Variants in CCDC146 observed in about 807,000 individuals in gnomAD.
The protein encoded by CCDC146 is coiled-coil domain containing 146.
CCDC146 carries 92 observed loss-of-function variants against 119.3 expected under a neutral mutation model. The ratio of observed to expected loss-of-function variants is 0.77; its 90% CI spans 0.65 to 0.92. The LOEUF (loss-of-function observed/expected upper bound fraction) is 0.92. Ranked by LOEUF, CCDC146 falls within the 40% of genes least tolerant of loss-of-function variation. The probability of loss-of-function intolerance (pLI) is 0.00; values close to 1 mark genes in which losing one functional copy is unlikely to be tolerated. For synonymous variants in CCDC146, 372 were observed against 371.8 expected (o/e 1.00, Z -0.01); for missense variants, 1,000 against 1,103.0 (o/e 0.91, Z 1.32).
chr7:77,283,778 G>A (rs947533554), intron 15 of CCDC146, among the ~76,000 whole-genome samples: 8 of 152,050 alleles, frequency 5.3e-5, no homozygotes, highest in Admixed American at 3.9e-4. Flanking sequence ...AGGATTTCAT[G>A]GGACTAGATG....
chr7:77,173,450 G>A (rs1189816528), intron 2 of CCDC146, among the ~76,000 whole-genome samples: 4 of 152,084 alleles, frequency 2.6e-5, no homozygotes, highest in East Asian at 1.9e-4. Flanking sequence ...CCAACATGGC[G>A]AAACCCCGTC....
At chr7:77,138,336 A>C (rs1392077312) in intron 1 of CCDC146, among the ~76,000 whole-genome samples, 3 of 98,826 alleles carry the variant, frequency 3.0e-5, no homozygotes, top group African/African-American at 1.1e-4. Flanking sequence ...ATGTACATGC[A>C]AAAAAAAATG....
Position 77,154,509 on chromosome 7 carries a change from T to A in CCDC146, c.-11-13149T>A, listed in dbSNP as rs1169883183. ...TGTGATGTTCCCCTTCCTGTGTCCA[T>A]GTGTTCTCATTGTTCAATTCCCACC... is the stretch of plus-strand genomic sequence containing the variant. On this transcript the variant is annotated intron_variant, in intron 1 of 18. Transcript: ENST00000285871. Among the ~76,000 whole-genome samples the A allele has an allele frequency of 2.8e-5, 4 of 140,366 alleles. No individual in the cohort carries two copies. In the East Asian group the frequency reaches 7.2e-4, roughly 25 times the overall value. 92.1% of individuals were successfully genotyped at this position (140,366 alleles called of 152,430 possible). A position where few individuals can be genotyped will look rare whatever the true frequency, so the allele number is the denominator to read the frequency against.
intron 4 of CCDC146, among the ~76,000 whole-genome samples, chr7:77,252,801 A>G (rs1793100862): frequency 6.6e-6 from 1 of 152,264 alleles, no homozygotes; most frequent in Non-Finnish European, 1.5e-5. Flanking sequence ...CTCATAGCAC[A>G]GTCCAGTGCA....
intron 1 of CCDC146, among the ~76,000 whole-genome samples, chr7:77,141,670 T>C (rs1392728560): frequency 3.9e-5 from 6 of 152,244 alleles, no homozygotes; most frequent in Non-Finnish European, 8.8e-5. Flanking sequence ...TAATGACCAG[T>C]GATGATGAGC....
intron 4 of CCDC146, among the ~76,000 whole-genome samples, chr7:77,248,847 C>CT (rs895143817): frequency 1.3e-5 from 2 of 152,124 alleles, no homozygotes; most frequent in African/African-American, 4.8e-5. Context: ...AAAATATAAA[C>CT]TTTTTTTGTA....
chr7:77,201,579 GA>G (rs554778336), intron 2 of CCDC146, among the ~76,000 whole-genome samples: 14 of 113,578 alleles, frequency 1.2e-4, no homozygotes, highest in East Asian at 4.8e-4. Flanking sequence ...CACAAAAAAA[GA>G]AAAAAAAAAC....
intron 9 of CCDC146, among the ~76,000 whole-genome samples, chr7:77,265,890 T>C (rs1336440560): frequency 3.3e-5 from 5 of 152,236 alleles, no homozygotes; most frequent in Non-Finnish European, 5.9e-5. Flanking sequence ...TTGCCTGCCA[T>C]AGGCAGAAAG....
chr7:77,274,613 TGAAAAG>T lies in CCDC146; in HGVS notation c.1405_1410del (p.Lys469_Glu470del). ...TCCGCATGACTCAAATCAAAATTGA[TGAAAAG>T]GAACAAAAGTCCAAGGATTTCCTGA... On this transcript the variant is annotated inframe_deletion, in exon 11 of 19. Coordinates refer to ENST00000285871, the MANE Select transcript of CCDC146 (RefSeq NM_020879.3). The T allele has an allele frequency of 6.2e-7, 1 of 1,611,564 alleles. No homozygotes were observed. Among genetic ancestry groups the T allele is most frequent in the Non-Finnish European group, 8.5e-7 (1 of 1,179,324 alleles).
intron 1 of CCDC146, among the ~76,000 whole-genome samples, chr7:77,143,514 T>A (rs1480152061): frequency 6.6e-6 from 1 of 152,044 alleles, no homozygotes; most frequent in Non-Finnish European, 1.5e-5. Flanking sequence ...TGAATGGTAT[T>A]GCCTAGGTTT....
chr7:77,222,846 TA>T (rs1158117162), intron 2 of CCDC146, among the ~76,000 whole-genome samples: 1 of 152,218 alleles, frequency 6.6e-6, no homozygotes, highest in Non-Finnish European at 1.5e-5. Flanking sequence ...TAGGAAGGAT[TA>T]AACACTGATT....
intron 11 of CCDC146, 89 bp from the exon 12 acceptor site, chr7:77,278,663 A>T: frequency 1.1e-6 from 1 of 915,228 alleles, no homozygotes; most frequent in Non-Finnish European, 1.7e-6. Flanking sequence ...TAGGCTGGAG[A>T]ATTGTCTTTA....
intron 2 of CCDC146, among the ~76,000 whole-genome samples, chr7:77,189,164 C>A (rs1230810100): frequency 6.6e-6 from 1 of 152,024 alleles, no homozygotes; most frequent in Non-Finnish European, 1.5e-5. Flanking sequence ...ACTTCTGATT[C>A]CAGCCTCCCA....
chr7:77,237,849 T>C (rs879924827), intron 3 of CCDC146, among the ~76,000 whole-genome samples: 2 of 152,192 alleles, frequency 1.3e-5, no homozygotes, highest in Non-Finnish European at 2.9e-5. Context: ...TGTGATTCTT[T>C]ACCACTCCCA....
chr7:77,151,953 G>A (rs1385912625), intron 1 of CCDC146, among the ~76,000 whole-genome samples: 4 of 152,126 alleles, frequency 2.6e-5, no homozygotes, highest in South Asian at 2.1e-4. Context: ...CACCTCTCCC[G>A]TGCCTCTCTG....
chr7:77,131,797 A>G (rs1257583171), intron 1 of CCDC146, among the ~76,000 whole-genome samples: 3 of 152,178 alleles, frequency 2.0e-5, no homozygotes, highest in African/African-American at 4.8e-5. Context: ...TCGAAAGATT[A>G]CATACTCTGT....
At chr7:77,252,120 G>A (rs2150503064) in intron 4 of CCDC146, among the ~76,000 whole-genome samples, 1 of 152,324 alleles carries the variant, frequency 6.6e-6, no homozygotes, top group East Asian at 1.9e-4. Flanking sequence ...CTGCACTCCA[G>A]CCTAGGGAAC....
intron 1 of CCDC146, among the ~76,000 whole-genome samples, chr7:77,162,329 G>A (rs1791274751): frequency 6.6e-6 from 1 of 152,070 alleles, no homozygotes; most frequent in Non-Finnish European, 1.5e-5. Flanking sequence ...TGTGTGTGAT[G>A]TAAAACAAGG....
intron 1 of CCDC146, among the ~76,000 whole-genome samples, chr7:77,149,590 AC>A (rs1021378991): frequency 6.6e-6 from 1 of 151,852 alleles, no homozygotes; most frequent in African/African-American, 2.4e-5. Flanking sequence ...ACATCATGAA[AC>A]CCCATCTCTA....
Sources: allele counts gnomAD v4.1 joint callset (sites outside exome capture counted in the v4.1 genomes callset), GRCh38; gene constraint gnomAD v4.1.1; transcripts MANE v1.5; gene names NCBI Gene and HGNC (gene_info 2026-07-23, HGNC 2026-07-21).